The following CYB5B variants were observed in gnomAD, a reference collection of about 807,000 sequenced individuals.
CYB5B encodes the protein cytochrome b5 type B, also known as cytochrome b5 type B (outer mitochondrial membrane).
A neutral mutation model predicts 21.3 loss-of-function variants in CYB5B; 14 were observed. That is an observed-to-expected ratio of 0.66 (90% CI 0.43 to 1.03). The LOEUF is 1.03. Among genes scored for constraint, CYB5B ranks in the 50% least tolerant of loss-of-function variants. The pLI is 0.00. For synonymous variants in CYB5B, 69 were observed against 68.4 expected (o/e 1.01, Z -0.04); for missense variants, 166 against 185.1 (o/e 0.90, Z 0.60).
At chr16:69,454,924 C>T (rs1000175284) in intron 3 of CYB5B, among the ~76,000 whole-genome samples, 8 of 152,066 alleles carry the variant, frequency 5.3e-5, no homozygotes, top group African/African-American at 1.4e-4. Flanking sequence ...GACAGAGTGT[C>T]ACTCTGTTGC....
intron 4 of CYB5B, 103 bp downstream of exon 4, chr16:69,459,224 CA>C: frequency 7.1e-7 from 1 of 1,400,086 alleles, no homozygotes; most frequent in Non-Finnish European, 9.6e-7. Context: ...TGCAGTTTGA[CA>C]ACTAATTCTT....
chr16:69,441,155 T>TC (rs1235037447), intron 1 of CYB5B, among the ~76,000 whole-genome samples: 5 of 103,156 alleles, frequency 4.8e-5, no homozygotes, highest in Admixed American at 1.8e-4. Context: ...ACTTCTCTCT[T>TC]TTTTTTTTTT....
At chr16:69,460,522 A>G (rs2142828739) in intron 4 of CYB5B, among the ~76,000 whole-genome samples, 1 of 152,328 alleles carries the variant, frequency 6.6e-6, no homozygotes, top group East Asian at 1.9e-4. Flanking sequence ...AATTTTGCAA[A>G]TAAGAGTTGG....
intron 3 of CYB5B, among the ~76,000 whole-genome samples, chr16:69,450,890 C>T (rs2014924974): frequency 6.6e-6 from 1 of 152,078 alleles, no homozygotes; most frequent in African/African-American, 2.4e-5. Flanking sequence ...TACTGCCCGC[C>T]AAGAAAGAAA....
At chr16:69,449,366 T>TG (rs1158911183) in intron 3 of CYB5B, 1 of 152,228 alleles carries the variant, frequency 6.6e-6, no homozygotes, top group African/African-American at 2.4e-5. Context: ...TGGTAAAATT[T>TG]GAACGAAGCG....
chr16:69,457,378 A>G (rs550958701), intron 3 of CYB5B, among the ~76,000 whole-genome samples: 6 of 152,342 alleles, frequency 3.9e-5, no homozygotes, highest in Admixed American at 2.6e-4. Context: ...TGATGCTCTC[A>G]TATAAGCCTT....
At chr16:69,461,175 G>A (rs907144048) in intron 4 of CYB5B, among the ~76,000 whole-genome samples, 2 of 151,606 alleles carry the variant, frequency 1.3e-5, no homozygotes, top group Non-Finnish European at 1.5e-5. Flanking sequence ...ACCGCACTCC[G>A]GCCTGGGTGA....
At chr16:69,458,205 G>A (rs994385778) in intron 3 of CYB5B, among the ~76,000 whole-genome samples, 3 of 152,090 alleles carry the variant, frequency 2.0e-5, no homozygotes, top group Admixed American at 6.6e-5. Context: ...ATGGTTTTTA[G>A]TGTATTTACA....
At chr16:69,456,324 G>A (rs1371302188) in intron 3 of CYB5B, among the ~76,000 whole-genome samples, 1 of 151,988 alleles carries the variant, frequency 6.6e-6, no homozygotes, top group African/African-American at 2.4e-5. Flanking sequence ...TTATTTTAGT[G>A]GGGAATTAAA....
At chr16:69,434,060 T>C (rs1199235872) in intron 1 of CYB5B, among the ~76,000 whole-genome samples, 1 of 152,244 alleles carries the variant, frequency 6.6e-6, no homozygotes, top group East Asian at 1.9e-4. Context: ...TTGACCATAT[T>C]ATGTGGCACA....
intron 1 of CYB5B, among the ~76,000 whole-genome samples, chr16:69,429,199 C>A (rs1168974060): frequency 2.0e-5 from 3 of 152,086 alleles, no homozygotes; most frequent in Non-Finnish European, 4.4e-5. Context: ...AGTGTTATAG[C>A]TCTTAAAGGT....
At chr16:69,452,747 G>A (rs529917827) in intron 3 of CYB5B, among the ~76,000 whole-genome samples, 3 of 152,076 alleles carry the variant, frequency 2.0e-5, no homozygotes, top group Admixed American at 6.5e-5. Context: ...GGTGGCTCAC[G>A]CTTGTAATCC....
At chr16:69,460,745 G>T (rs1337498589) in intron 4 of CYB5B, among the ~76,000 whole-genome samples, 1 of 152,068 alleles carries the variant, frequency 6.6e-6, no homozygotes, top group East Asian at 1.9e-4. Context: ...TGTTATTCGA[G>T]ATATTCAAAC....
chr16:69,434,016 C>A (rs902980057), intron 1 of CYB5B, among the ~76,000 whole-genome samples: 1 of 152,170 alleles, frequency 6.6e-6, no homozygotes. Flanking sequence ...GTATTATAAT[C>A]TTATGGGACC....
chr16:69,425,512 A>G (rs2014635169), intron 1 of CYB5B, among the ~76,000 whole-genome samples: 1 of 152,092 alleles, frequency 6.6e-6, no homozygotes, highest in Admixed American at 6.5e-5. Context: ...CATTTTAAAA[A>G]TTATTTTTGA....
At position 69,465,181 on chromosome 16, in the gene CYB5B, A is replaced by C. The variant is rs1268362399; in HGVS notation, c.*2661A>C. On this transcript the variant is annotated 3_prime_UTR_variant, in exon 5 of 5. Coordinates refer to ENST00000307892, the MANE Select transcript of CYB5B (RefSeq NM_030579.3). ...TGGTCTCTGGGGTGTTCGGTTGTTT[A>C]TTCCTGAGGAAGACTAGCTGCTGCT... 5 of 157,430 alleles carry C rather than the reference A, an allele frequency of 3.2e-5. No individual in the cohort carries two copies. The highest frequency in any genetic ancestry group is 9.6e-5 in the African/African-American group (4 of 41,510). The allele number at this position is 157,430 out of a possible 1,614,324, so 9.8% of individuals were successfully genotyped here.
chr16:69,436,137 G>A (rs1161462152), intron 1 of CYB5B, among the ~76,000 whole-genome samples: 3 of 152,130 alleles, frequency 2.0e-5, no homozygotes, highest in African/African-American at 7.2e-5. Flanking sequence ...GTGTGTTCGC[G>A]CTTGTGAGCA....
At chr16:69,437,651 G>T (rs1428342781) in intron 1 of CYB5B, among the ~76,000 whole-genome samples, 1 of 152,090 alleles carries the variant, frequency 6.6e-6, no homozygotes, top group African/African-American at 2.4e-5. Context: ...ATTTTTAGTT[G>T]TATAATTCAG....
In CYB5B at chr16:69,463,253, G is replaced by A. The variant is rs1460803873; in HGVS notation, c.*733G>A. The A allele has an allele frequency of 6.6e-6, 1 of 152,152 alleles. No individual in the cohort carries two copies. Among genetic ancestry groups the A allele is most frequent in the East Asian group, 1.9e-4 (1 of 5,190 alleles). 9.4% of individuals were successfully genotyped at this position (152,152 alleles called of 1,614,324 possible). On this transcript the variant is annotated 3_prime_UTR_variant, in exon 5 of 5. Coordinates refer to ENST00000307892, the MANE Select transcript of CYB5B (RefSeq NM_030579.3). ...TCCTCCCTTTCAAGCTAGGGCAGCA[G>A]GTAGCTCTTCCCAGCCCCTGAGCCC...
Sources: gnomAD v4.1 joint callset for allele counts (sites outside exome capture counted in the v4.1 genomes callset) on GRCh38, gnomAD v4.1.1 for gene constraint, MANE v1.5 for transcripts, NCBI Gene and HGNC (gene_info 2026-07-23, HGNC 2026-07-21) for gene names.